ONECUT1: variants seen among roughly 807,000 people sequenced by gnomAD.
The protein encoded by ONECUT1 is one cut homeobox 1, also known as hepatocyte nuclear factor 6.
ONECUT1 carries 12 observed loss-of-function variants against 25.6 expected under a neutral mutation model. That is an observed-to-expected ratio of 0.47 (90% confidence interval 0.30 to 0.76). The LOEUF (loss-of-function observed/expected upper bound fraction) is 0.76, where lower values mean the gene tolerates loss of function less well. Ranked by LOEUF, ONECUT1 falls within the 30% of genes least tolerant of loss-of-function variation. The pLI, the probability that ONECUT1 is intolerant of heterozygous loss-of-function variation, is 0.07. For missense variants in ONECUT1, 620 were observed against 651.2 expected (o/e 0.95, Z 0.52); for synonymous variants, 285 against 270.2 (o/e 1.05, Z -0.54).
chr15:52,757,873 G>C (rs2083683404), intron 1 of ONECUT1, 26 bp from the exon 2 acceptor site: 1 of 1,603,404 alleles, frequency 6.2e-7, no homozygotes, highest in Admixed American at 1.7e-5. Flanking sequence ...GAAGATGTTA[G>C]AACAAATGGT....
At chr15:52,759,922 A>T (rs138378413) in intron 1 of ONECUT1, among the ~76,000 whole-genome samples, 46 of 152,196 alleles carry the variant, frequency 3.0e-4, no homozygotes, top group African/African-American at 1.1e-3. Flanking sequence ...TTTTAAAGGG[A>T]TACAATAAAA....
intron 1 of ONECUT1, among the ~76,000 whole-genome samples, chr15:52,785,059 ACG>A (rs780395955): frequency 6.6e-5 from 10 of 152,208 alleles, no homozygotes; most frequent in Non-Finnish European, 1.2e-4. Flanking sequence ...GGACCCAGGA[ACG>A]CTTCCAGCTC....
chr15:52,784,479 A>G lies in ONECUT1; in HGVS notation c.1105+4301T>C, dbSNP rs544397908. On this transcript the variant is annotated intron_variant, in intron 1 of 1. Coordinates refer to ENST00000305901, the MANE Select transcript of ONECUT1 (RefSeq NM_004498.4). The surrounding 1 kb of genome is among the most constrained non-coding windows in gnomAD (Gnocchi z 5.0). ...TGCGCTGACACCAAGGTCGCCACACAATAGCCATCAGCCCCCCTTAAGCCC... is the reference window on the plus strand; with the variant it reads ...TGCGCTGACACCAAGGTCGCCACACGATAGCCATCAGCCCCCCTTAAGCCC... 6.6e-6 allele frequency among the ~76,000 whole-genome samples: 1 copy of G among 152,246 alleles called. No individual in the cohort carries two copies. The highest frequency in any genetic ancestry group is 1.9e-4 in the East Asian group (1 of 5,174).
At chr15:52,777,763 C>A (rs2083813691) in intron 1 of ONECUT1, among the ~76,000 whole-genome samples, 1 of 143,364 alleles carries the variant, frequency 7.0e-6, no homozygotes, top group Non-Finnish European at 1.5e-5. Context: ...GTTATTTGTT[C>A]TCTTCCCTGC....
intron 1 of ONECUT1, among the ~76,000 whole-genome samples, chr15:52,758,129 C>G (rs1483224464): frequency 6.6e-6 from 1 of 152,192 alleles, no homozygotes; most frequent in Non-Finnish European, 1.5e-5. Flanking sequence ...CTTCAGATTC[C>G]TCACCTGTAG....
rs1200536021 is a variant in ONECUT1, at chr15:52,784,199, A to T, written c.1105+4581T>A. Among the ~76,000 whole-genome samples, 1 of 152,164 alleles carries T rather than the reference A, an allele frequency of 6.6e-6. No homozygotes were observed. The highest frequency in any genetic ancestry group is 1.5e-5 in the Non-Finnish European group (1 of 68,014). The stretch of plus-strand genomic sequence containing the variant: ...GAGGCTTGCAGATAAGGAGAGGCGC[A>T]TCCTGGGATTTGGGTCCTCTGCTGC... On this transcript the variant is annotated intron_variant, in intron 1 of 1. Coordinates refer to ENST00000305901, the MANE Select transcript of ONECUT1 (RefSeq NM_004498.4). This position sits in a 1 kb window ranked among gnomAD's most constrained non-coding sequence, Gnocchi z 5.0.
At chr15:52,759,062 C>A (rs571975855) in intron 1 of ONECUT1, among the ~76,000 whole-genome samples, 10 of 152,348 alleles carry the variant, frequency 6.6e-5, no homozygotes, top group Admixed American at 3.3e-4. Context: ...CGTTCTAGAG[C>A]AGCCACTGCC....
chr15:52,761,091 G>T (rs2083703331), intron 1 of ONECUT1, among the ~76,000 whole-genome samples: 1 of 152,034 alleles, frequency 6.6e-6, no homozygotes, highest in East Asian at 1.9e-4. Context: ...AAAGGTGGTG[G>T]TCTAGGAGAG....
Position 52,789,297 on chromosome 15 carries a change from C to A in ONECUT1, c.588G>T (p.Gly196=). 6.4e-7 allele frequency: 1 copy of A among 1,559,230 alleles called. No individual in the cohort carries two copies. Among genetic ancestry groups the A allele is most frequent in the Non-Finnish European group, 8.7e-7 (1 of 1,151,416 alleles). ...GLGSIHNSQQ[G]LPHYAHPGAA... ...CCCCCGGGTGGGCATAGTGGGGGAG[C>A]CCTTGCTGGGAGTTGTGGATGCTGC... Residue 196 remains glycine (G), a synonymous_variant, in exon 1 of 2, where the codon GGG becomes GGT. Transcript: ENST00000305901. This position sits in a 1 kb window ranked among gnomAD's most constrained non-coding sequence, Gnocchi z 4.1.
rs372692973 is a variant in ONECUT1, at chr15:52,789,057, G to A, written c.828C>T (p.Thr276=). Residue 276 remains threonine (T), a synonymous_variant, in exon 1 of 2, where the codon ACC becomes ACT. Transcript: ENST00000305901. This position sits in a 1 kb window ranked among gnomAD's most constrained non-coding sequence, Gnocchi z 4.1. ...GTAREPNPSV[T]GAQVSNGSNS... ...TACTTCCATTGCTGACCTGCGCGCC[G>A]GTCACCGAAGGGTTGGGCTCCCGGG... 1 of 1,602,846 alleles carries A rather than the reference G, an allele frequency of 6.2e-7. No homozygotes were observed. The highest frequency in any genetic ancestry group is 8.5e-7 in the Non-Finnish European group (1 of 1,179,966).
chr15:52,777,728 ACACACAC>A (rs1213932087), intron 1 of ONECUT1, among the ~76,000 whole-genome samples: 5 of 125,194 alleles, frequency 4.0e-5, no homozygotes, highest in South Asian at 2.5e-4. Context: ...ACACACACAC[ACACACAC>A]ACAAAAAAAC....
At chr15:52,759,500 A>T (rs1289552969) in intron 1 of ONECUT1, among the ~76,000 whole-genome samples, 1 of 152,236 alleles carries the variant, frequency 6.6e-6, no homozygotes, top group Non-Finnish European at 1.5e-5. Context: ...GCTACTTAGT[A>T]AAAAAAGTTC....
rs767501782 is a variant in ONECUT1 at position 52,789,663 on chromosome 15, G to C, written c.222C>G (p.Ala74=). ...GGGGGCCGGCCAGGCTGTGCTCAGGGGCCCGGTGGTGGTGGTGGTAATCTC... is the reference window on the plus strand; with the variant it reads ...GGGGGCCGGCCAGGCTGTGCTCAGGCGCCCGGTGGTGGTGGTGGTAATCTC... ...GGGDYHHHHR[A]PEHSLAGPLH... Residue 74 remains alanine, a synonymous_variant, in exon 1 of 2, where the codon GCC becomes GCG. Transcript: ENST00000305901. The surrounding 1 kb of genome is among the most constrained non-coding windows in gnomAD (Gnocchi z 4.1). 3 of 1,534,166 alleles carry C rather than the reference G, an allele frequency of 2.0e-6. No homozygotes were observed. The highest frequency in any genetic ancestry group is 2.6e-6 in the Non-Finnish European group (3 of 1,143,236).
In ONECUT1 at chr15:52,789,277, G is replaced by A; in HGVS notation, c.608C>T (p.Pro203Leu). The change falls in exon 1 of 2, where the codon CCG becomes CTG. Residue 203 changes from proline to leucine, a missense_variant. Pro to Leu is a moderately conservative substitution (Grantham distance 98, BLOSUM62 -3). Transcript: ENST00000305901. This position sits in a 1 kb window ranked among gnomAD's most constrained non-coding sequence, Gnocchi z 4.1. Reference protein sequence around the residue: ...SQQGLPHYAHPGAAMPTDKML... With the variant: ...SQQGLPHYAHLGAAMPTDKML... ...CTTGTCGGTGGGCATGGCGGCCCCC[G>A]GGTGGGCATAGTGGGGGAGCCCTTG... 6.5e-7 allele frequency: 1 copy of A among 1,549,190 alleles called. No individual in the cohort carries two copies. The highest frequency in any genetic ancestry group is 1.2e-5 in the South Asian group (1 of 80,870).
At chr15:52,786,614 G>C (rs550061847) in intron 1 of ONECUT1, among the ~76,000 whole-genome samples, 1 of 152,382 alleles carries the variant, frequency 6.6e-6, no homozygotes, top group South Asian at 2.1e-4. Flanking sequence ...TGCGCCTCCA[G>C]CGTGCGGGTC....
At position 52,789,933 on chromosome 15, in the gene ONECUT1, A is replaced by G. The variant is rs113609847; in HGVS notation, c.-49T>C. 2.9e-4 allele frequency: 434 copies of G among 1,475,524 alleles called. 1 individual carries two copies. The highest frequency in any genetic ancestry group is 2.8e-3 in the African/African-American group (192 of 68,182). 91.4% of individuals were successfully genotyped at this position (1,475,524 alleles called of 1,614,324 possible). On this transcript the variant is annotated 5_prime_UTR_variant, in exon 1 of 2. Coordinates refer to ENST00000305901, the MANE Select transcript of ONECUT1 (RefSeq NM_004498.4). This position sits in a 1 kb window ranked among gnomAD's most constrained non-coding sequence, Gnocchi z 4.1. ...GGACACAACATCGATGTGGCCAGGC[A>G]GAGGCGGCGAGGGGCGCACGGAGTC...
chr15:52,758,332 T>A (rs2083686390), intron 1 of ONECUT1, among the ~76,000 whole-genome samples: 1 of 152,234 alleles, frequency 6.6e-6, no homozygotes, highest in South Asian at 2.1e-4. Context: ...TATAGTCTGC[T>A]GCCAGTAGAA....
At position 52,784,116 on chromosome 15, in the gene ONECUT1, G is replaced by A. The variant is rs1358705786; in HGVS notation, c.1105+4664C>T. Among the ~76,000 whole-genome samples the A allele has an allele frequency of 1.3e-5, 2 of 152,214 alleles. No individual in the cohort carries two copies. Among genetic ancestry groups the A allele is most frequent in the Non-Finnish European group, 2.9e-5 (2 of 68,036 alleles). ...GGGCGCGCGCCGCAGCCGCAGCACAGCCCGGCTACCCCCAGAAAGGGAGCC... is the reference window on the plus strand; with the variant it reads ...GGGCGCGCGCCGCAGCCGCAGCACAACCCGGCTACCCCCAGAAAGGGAGCC... On this transcript the variant is annotated intron_variant, in intron 1 of 1. Transcript: ENST00000305901. The surrounding 1 kb of genome is among the most constrained non-coding windows in gnomAD (Gnocchi z 5.0).
At chr15:52,780,990 A>G (rs2083837544) in intron 1 of ONECUT1, 5 of 774,530 alleles carry the variant, frequency 6.5e-6, no homozygotes, top group African/African-American at 1.9e-5. Context: ...CAGCCTATAT[A>G]CTCTGTTTTG....
Sources: allele counts gnomAD v4.1 joint callset (sites outside exome capture counted in the v4.1 genomes callset), GRCh38; gene constraint gnomAD v4.1.1; non-coding constraint Gnocchi (gnomAD v3.1); transcripts MANE v1.5; gene names NCBI Gene and HGNC (gene_info 2026-07-23, HGNC 2026-07-21).